SPOCK3: variants seen among roughly 807,000 people sequenced by gnomAD.
SPOCK3 encodes the protein testican-3.
SPOCK3 carries 30 observed loss-of-function variants against 56.6 expected under a neutral mutation model. That is an observed-to-expected ratio of 0.53 (90% confidence interval 0.40 to 0.72). SPOCK3 has a LOEUF of 0.72. Among genes scored for constraint, SPOCK3 ranks in the 30% least tolerant of loss-of-function variants. SPOCK3 has a pLI of 0.00. For missense variants in SPOCK3, 527 were observed against 530.0 expected (o/e 0.99, Z 0.06); for synonymous variants, 196 against 183.3 (o/e 1.07, Z -0.56).
intron 4 of SPOCK3, among the ~76,000 whole-genome samples, chr4:166,922,889 C>T (rs1206092579): frequency 6.6e-6 from 1 of 152,136 alleles, no homozygotes; most frequent in Admixed American, 6.5e-5. Flanking sequence ...GCCTGTTTTT[C>T]CTTTCGTTAG....
intron 2 of SPOCK3, among the ~76,000 whole-genome samples, chr4:167,208,484 C>CT (rs754259957): frequency 1.5e-4 from 23 of 152,092 alleles, no homozygotes; most frequent in Non-Finnish European, 2.9e-4. Context: ...AGAACACTGA[C>CT]TAAGATCTTT....
chr4:167,134,478 AT>A (rs1182119118), intron 2 of SPOCK3, among the ~76,000 whole-genome samples: 4 of 152,022 alleles, frequency 2.6e-5, no homozygotes, highest in African/African-American at 9.7e-5. Flanking sequence ...ATTTGCTATT[AT>A]TTTTCAATTT....
intron 2 of SPOCK3, among the ~76,000 whole-genome samples, chr4:167,167,433 C>T (rs2150456802): frequency 6.6e-6 from 1 of 152,222 alleles, no homozygotes; most frequent in Admixed American, 6.5e-5. Context: ...TCTGCAAGTG[C>T]CTTGCAATTT....
At chr4:167,139,554 T>C (rs1371890210) in intron 2 of SPOCK3, among the ~76,000 whole-genome samples, 1 of 152,062 alleles carries the variant, frequency 6.6e-6, no homozygotes, top group Non-Finnish European at 1.5e-5. Context: ...AATTTCTTGA[T>C]ATATTTTCAA....
chr4:167,134,535 T>C (rs2150387699), intron 2 of SPOCK3, among the ~76,000 whole-genome samples: 1 of 152,308 alleles, frequency 6.6e-6, no homozygotes, highest in Admixed American at 6.5e-5. Context: ...GTTATTCATA[T>C]TATGGCTTTA....
chr4:166,797,588 T>G (rs1742097266), intron 6 of SPOCK3, among the ~76,000 whole-genome samples: 1 of 152,036 alleles, frequency 6.6e-6, no homozygotes, highest in South Asian at 2.1e-4. Context: ...TGTTAGAAAT[T>G]TTAAACTCTA....
intron 2 of SPOCK3, among the ~76,000 whole-genome samples, chr4:167,094,202 T>C (rs934234679): frequency 3.9e-5 from 6 of 152,068 alleles, no homozygotes; most frequent in African/African-American, 1.2e-4. Context: ...AGAAAAATTA[T>C]AAGAAGACAG....
chr4:166,788,180 T>C (rs1289467813), intron 7 of SPOCK3, among the ~76,000 whole-genome samples: 1 of 142,246 alleles, frequency 7.0e-6, no homozygotes, highest in Admixed American at 7.1e-5. Context: ...AGACTCCATT[T>C]AAAAAACAAA....
intron 4 of SPOCK3, among the ~76,000 whole-genome samples, chr4:166,942,471 TA>T (rs5863849): frequency 0.14 from 17,603 of 121,744 alleles, 1,292 homozygotes; most frequent in African/African-American, 0.25. Flanking sequence ...GGCCTCCACT[TA>T]AAAAAAAAAA....
chr4:166,919,896 C>T (rs1196572045), intron 4 of SPOCK3, among the ~76,000 whole-genome samples: 2 of 152,040 alleles, frequency 1.3e-5, no homozygotes, highest in Non-Finnish European at 2.9e-5. Flanking sequence ...TATTAAAATG[C>T]ATTATTTTAA....
At position 167,234,472 on chromosome 4, in the gene SPOCK3, C is replaced by T; in HGVS notation, c.-23G>A. On this transcript the variant is annotated 5_prime_UTR_variant, in exon 1 of 11. Transcript: ENST00000357545. The stretch of plus-strand genomic sequence containing the variant: ...CACCTTGTTGTGAGCCAGCACTGTG[C>T]TCGCAGCTCCTGCTGGAAATGCAGC... 2.4e-6 allele frequency: 1 copy of T among 419,280 alleles called. No individual in the cohort carries two copies. Among genetic ancestry groups the T allele is most frequent in the Non-Finnish European group, 4.3e-6 (1 of 229,924 alleles). The allele number at this position is 419,280 out of a possible 1,614,324, so 26.0% of individuals were successfully genotyped here. A position where few individuals can be genotyped will look rare whatever the true frequency, so the allele number is the denominator to read the frequency against.
chr4:166,910,685 C>A (rs577209878), intron 5 of SPOCK3, among the ~76,000 whole-genome samples: 1 of 152,220 alleles, frequency 6.6e-6, no homozygotes, highest in East Asian at 1.9e-4. Flanking sequence ...TCAAAAGAGT[C>A]CCAAAAATGT....
chr4:166,949,586 G>A (rs1227550030), intron 4 of SPOCK3, among the ~76,000 whole-genome samples: 5 of 152,106 alleles, frequency 3.3e-5, no homozygotes, highest in Non-Finnish European at 7.3e-5. Context: ...CACGTCTGTT[G>A]GAGTTTCCTA....
intron 6 of SPOCK3, among the ~76,000 whole-genome samples, chr4:166,841,568 T>C (rs1464732985): frequency 1.3e-5 from 2 of 152,246 alleles, no homozygotes; most frequent in African/African-American, 4.8e-5. Context: ...TTTTTGTGTC[T>C]GTCACTTTTC....
intron 4 of SPOCK3, among the ~76,000 whole-genome samples, chr4:166,980,623 C>A (rs189702015): frequency 6.6e-6 from 1 of 152,206 alleles, no homozygotes; most frequent in African/African-American, 2.4e-5. Flanking sequence ...GCGTGGGGTC[C>A]GGCCACTGTG....
At chr4:167,169,208 T>C (rs1025275492) in intron 2 of SPOCK3, among the ~76,000 whole-genome samples, 3 of 152,190 alleles carry the variant, frequency 2.0e-5, no homozygotes, top group African/African-American at 7.2e-5. Flanking sequence ...AGTGCAGATG[T>C]GAGAAGATGG....
chr4:166,781,396 GGAT>G (rs1462321434), intron 7 of SPOCK3, among the ~76,000 whole-genome samples: 5 of 150,710 alleles, frequency 3.3e-5, no homozygotes, highest in East Asian at 3.9e-4. Context: ...AGGAGGCAGA[GGAT>G]GATAAGGAGA....
chr4:166,913,093 G>T (rs1226014888), intron 4 of SPOCK3, among the ~76,000 whole-genome samples: 1 of 152,050 alleles, frequency 6.6e-6, no homozygotes, highest in Non-Finnish European at 1.5e-5. Flanking sequence ...CTTCTTAAAA[G>T]CCATCCTCAT....
chr4:166,956,530 G>A (rs1743496834), intron 4 of SPOCK3, among the ~76,000 whole-genome samples: 2 of 152,130 alleles, frequency 1.3e-5, no homozygotes, highest in Non-Finnish European at 2.9e-5. Context: ...AAGAAGGTAT[G>A]AGACTTCATC....
Sources: gnomAD v4.1 joint callset for allele counts (sites outside exome capture counted in the v4.1 genomes callset) on GRCh38, gnomAD v4.1.1 for gene constraint, MANE v1.5 for transcripts, NCBI Gene and HGNC (gene_info 2026-07-23, HGNC 2026-07-21) for gene names.